GMDS: variants seen among roughly 807,000 people sequenced by gnomAD.
GMDS encodes GDP-mannose 4,6-dehydratase.
GMDS carries 20 observed loss-of-function variants against 49.9 expected under a neutral mutation model. The ratio of observed to expected loss-of-function variants is 0.40; its 90% CI spans 0.28 to 0.58. The LOEUF is 0.58. GMDS is among the 20% of genes least tolerant of loss of function. The pLI, the probability that GMDS is intolerant of heterozygous loss-of-function variation, is 0.42. For synonymous variants in GMDS, 177 were observed against 178.6 expected (o/e 0.99, Z 0.07); for missense variants, 362 against 481.4 (o/e 0.75, Z 2.32).
intron 7 of GMDS, among the ~76,000 whole-genome samples, chr6:1,880,703 T>C (rs1019654743): frequency 1.3e-5 from 2 of 152,182 alleles, no homozygotes; most frequent in African/African-American, 4.8e-5. Context: ...GCAATATAGT[T>C]GACCCTAATA....
intron 4 of GMDS, among the ~76,000 whole-genome samples, chr6:2,023,331 G>C (rs1227267243): frequency 6.6e-6 from 1 of 152,180 alleles, no homozygotes; most frequent in Non-Finnish European, 1.5e-5. Context: ...AGCTACAAAA[G>C]GACAGGACTT....
In GMDS at chr6:1,833,942, C is replaced by T. The variant is rs1386415966; in HGVS notation, c.772-91356G>A. ...ATATCGCATCAAATCCATAGAACAA[C>T]TCTAATATTCTTACTCACTCAAAAA... is the stretch of plus-strand genomic sequence containing the variant. On this transcript the variant is annotated intron_variant, in intron 7 of 10. Coordinates refer to ENST00000380815, the MANE Select transcript of GMDS (RefSeq NM_001500.4). This position sits in a 1 kb window ranked among gnomAD's most constrained non-coding sequence, Gnocchi z 4.4. Among the ~76,000 whole-genome samples the T allele has an allele frequency of 6.6e-6, 1 of 152,144 alleles. No homozygotes were observed. The highest frequency in any genetic ancestry group is 1.5e-5 in the Non-Finnish European group (1 of 68,028).
intron 9 of GMDS, among the ~76,000 whole-genome samples, chr6:1,631,116 A>G (rs948932577): frequency 2.6e-5 from 4 of 152,150 alleles, no homozygotes; most frequent in Non-Finnish European, 5.9e-5. Context: ...GACTCTTGTG[A>G]CATCGCTGGC....
intron 4 of GMDS, among the ~76,000 whole-genome samples, chr6:2,099,415 G>T (rs560862217): frequency 2.0e-5 from 3 of 152,000 alleles, no homozygotes; most frequent in Non-Finnish European, 2.9e-5. Context: ...GGGCACAACA[G>T]GTTCTACTGT....
intron 4 of GMDS, among the ~76,000 whole-genome samples, chr6:2,051,861 G>C (rs1770415036): frequency 6.6e-6 from 1 of 152,116 alleles, no homozygotes; most frequent in African/African-American, 2.4e-5. Flanking sequence ...GCTCACGCCT[G>C]TAATGCCAGC....
At chr6:1,732,035 A>G (rs1490894890) in intron 8 of GMDS, among the ~76,000 whole-genome samples, 1 of 152,218 alleles carries the variant, frequency 6.6e-6, no homozygotes, top group East Asian at 1.9e-4. Context: ...TTGTACATAG[A>G]AGATAAAATA....
At chr6:1,889,684 A>C (rs1474165432) in intron 7 of GMDS, among the ~76,000 whole-genome samples, 1 of 152,220 alleles carries the variant, frequency 6.6e-6, no homozygotes, top group Non-Finnish European at 1.5e-5. Flanking sequence ...TAGTATACTC[A>C]GGGAGTCACA....
chr6:2,177,328 A>T (rs1778329568), intron 1 of GMDS, among the ~76,000 whole-genome samples: 1 of 152,208 alleles, frequency 6.6e-6, no homozygotes, highest in South Asian at 2.1e-4. Context: ...ACAACTAGAC[A>T]ATCAGATGAA....
intron 1 of GMDS, among the ~76,000 whole-genome samples, chr6:2,212,040 G>A (rs1780085530): frequency 6.6e-6 from 1 of 152,068 alleles, no homozygotes. Context: ...TAGTATAACT[G>A]TGCAGGGAAT....
chr6:2,231,049 G>A (rs967288280), intron 1 of GMDS, among the ~76,000 whole-genome samples: 6 of 149,284 alleles, frequency 4.0e-5, no homozygotes, highest in African/African-American at 1.5e-4. Flanking sequence ...AAGAGTGCCT[G>A]GTCAAAACAA....
At chr6:2,119,642 G>A (rs1346664826) in intron 2 of GMDS, among the ~76,000 whole-genome samples, 1 of 152,308 alleles carries the variant, frequency 6.6e-6, no homozygotes, top group East Asian at 1.9e-4. Flanking sequence ...GATGTAGGTA[G>A]AGCTTTTTGT....
chr6:1,671,440 C>G (rs1227790448), intron 9 of GMDS, among the ~76,000 whole-genome samples: 1 of 152,088 alleles, frequency 6.6e-6, no homozygotes, highest in Non-Finnish European at 1.5e-5. Context: ...CACCCACCCC[C>G]ACGCACCCCA....
chr6:2,190,445 A>G (rs1440265998), intron 1 of GMDS, among the ~76,000 whole-genome samples: 3 of 152,218 alleles, frequency 2.0e-5, no homozygotes, highest in Non-Finnish European at 4.4e-5. Context: ...TCTACAGATA[A>G]AAACACCAAG....
chr6:2,143,898 C>T (rs894094849), intron 1 of GMDS, among the ~76,000 whole-genome samples: 33 of 152,192 alleles, frequency 2.2e-4, no homozygotes, highest in Non-Finnish European at 5.9e-5. Flanking sequence ...TTCTTCCCTC[C>T]CATATTCATT....
chr6:1,733,192 T>C (rs1288285814), intron 8 of GMDS, among the ~76,000 whole-genome samples: 2 of 152,138 alleles, frequency 1.3e-5, no homozygotes, highest in Non-Finnish European at 2.9e-5. Flanking sequence ...GCAGATGAAA[T>C]CTGCAGAGAA....
chr6:1,632,899 G>T (rs1301959582), intron 9 of GMDS, among the ~76,000 whole-genome samples: 1 of 152,154 alleles, frequency 6.6e-6, no homozygotes, highest in Non-Finnish European at 1.5e-5. Context: ...AAAATTCGTG[G>T]ACACAACCAA....
At chr6:1,711,094 G>A (rs1765942894) in intron 9 of GMDS, among the ~76,000 whole-genome samples, 1 of 152,230 alleles carries the variant, frequency 6.6e-6, no homozygotes, top group Non-Finnish European at 1.5e-5. Flanking sequence ...CATACATGAT[G>A]TATTCTGAGC....
chr6:1,695,923 CTTTT>C (rs71753891), intron 9 of GMDS, among the ~76,000 whole-genome samples: 1 of 105,104 alleles, frequency 9.5e-6, no homozygotes, highest in Admixed American at 9.6e-5. Context: ...TTTTTTTTTT[CTTTT>C]TTTTTTTTTT....
intron 7 of GMDS, among the ~76,000 whole-genome samples, chr6:1,776,138 G>A (rs1315817557): frequency 1.3e-5 from 2 of 152,088 alleles, no homozygotes; most frequent in South Asian, 2.1e-4. Context: ...TTCAGAATCC[G>A]GAGTTGACTA....
Sources: allele counts gnomAD v4.1 joint callset (sites outside exome capture counted in the v4.1 genomes callset), GRCh38; gene constraint gnomAD v4.1.1; non-coding constraint Gnocchi (gnomAD v3.1); transcripts MANE v1.5; gene names NCBI Gene and HGNC (gene_info 2026-07-23, HGNC 2026-07-21).